Variants in TGFBRAP1 observed in about 807,000 individuals in gnomAD.
TGFBRAP1 encodes transforming growth factor beta receptor associated protein 1.
In TGFBRAP1, 20 loss-of-function variants were observed where a neutral mutation model predicts 83.2. That is an observed-to-expected ratio of 0.24 (90% confidence interval 0.17 to 0.35). The LOEUF (loss-of-function observed/expected upper bound fraction) is 0.35. Ranked by LOEUF, TGFBRAP1 falls within the 10% of genes least tolerant of loss-of-function variation. The pLI is 1.00. For synonymous variants in TGFBRAP1, 415 were observed against 459.8 expected (o/e 0.90, Z 1.25); for missense variants, 950 against 1,099.4 (o/e 0.86, Z 1.92).
rs1573167948 is a variant in TGFBRAP1, at chr2:105,278,072, G to A, written c.1464-401C>T. On this transcript the variant is annotated intron_variant, in intron 6 of 11. Transcript: ENST00000393359. Reference sequence around the variant, plus strand: ...AGACCCTGTCTCAAAAAATATATGTGTGTGTGTGTGTGTGTGTGTGTGTGT... The same window carrying A: ...AGACCCTGTCTCAAAAAATATATGTATGTGTGTGTGTGTGTGTGTGTGTGT... Among the ~76,000 whole-genome samples the A allele has an allele frequency of 2.1e-4, 4 of 18,676 alleles. No homozygotes were observed. In the South Asian group the frequency reaches 4.4e-3, roughly 21 times the overall value. 12.3% of individuals were successfully genotyped at this position (18,676 alleles called of 152,430 possible).
intron 2 of TGFBRAP1, among the ~76,000 whole-genome samples, chr2:105,300,186 C>G (rs1678236188): frequency 1.3e-5 from 2 of 152,038 alleles, no homozygotes; most frequent in South Asian, 4.1e-4. Flanking sequence ...CTATAAACCT[C>G]TGGTTTAAAG....
Position 105,320,653 on chromosome 2 carries a change from C to A in TGFBRAP1, c.-18+8972G>T, listed in dbSNP as rs561450739. Among the ~76,000 whole-genome samples the A allele has an allele frequency of 2.0e-5, 3 of 152,288 alleles. No individual in the cohort carries two copies. The East Asian group carries it at 5.8e-4, about 29-fold the overall frequency. The stretch of plus-strand genomic sequence containing the variant: ...TTTTAACCTCAGCCAACCTTTCCTC[C>A]TTTATTTAGTAAGAAAAATTATAGC... On this transcript the variant is annotated intron_variant, in intron 1 of 11. Coordinates refer to ENST00000393359, the MANE Select transcript of TGFBRAP1 (RefSeq NM_004257.6).
At chr2:105,313,221 G>A (rs1678748392) in intron 1 of TGFBRAP1, among the ~76,000 whole-genome samples, 1 of 152,214 alleles carries the variant, frequency 6.6e-6, no homozygotes, top group Non-Finnish European at 1.5e-5. Context: ...TACACATGGG[G>A]TGGGCGCCAC....
chr2:105,307,987 C>G lies in TGFBRAP1; in HGVS notation c.315G>C (p.Leu105=). ...CCCCCGAAGGCACTGGCTCGAGGTT[C>G]AGCATGTTGACCAGGCTGATGGAGT... The part of the protein sequence containing the change: ...CDNSISLVNM[L]NLEPVPSGAR... Residue 105 remains leucine (L), a synonymous_variant, in exon 2 of 12, where the codon CTG becomes CTC. Coordinates refer to ENST00000393359, the MANE Select transcript of TGFBRAP1 (RefSeq NM_004257.6). 1 of 1,614,228 alleles carries G rather than the reference C, an allele frequency of 6.2e-7. No homozygotes were observed. Among genetic ancestry groups the G allele is most frequent in the Non-Finnish European group, 8.5e-7 (1 of 1,180,054 alleles).
intron 1 of TGFBRAP1, among the ~76,000 whole-genome samples, chr2:105,315,108 GC>G (rs1267330444): frequency 6.6e-6 from 1 of 151,466 alleles, no homozygotes; most frequent in Admixed American, 6.6e-5. Flanking sequence ...TGTATTTCTA[GC>G]CCCAAAATTA....
chr2:105,294,368 G>A (rs988935802), intron 4 of TGFBRAP1, among the ~76,000 whole-genome samples: 8 of 151,526 alleles, frequency 5.3e-5, no homozygotes, highest in Non-Finnish European at 7.4e-5. Flanking sequence ...AAGAGGGTGG[G>A]GTCAGCCATG....
downstream of TGFBRAP1, among the ~76,000 whole-genome samples, chr2:105,263,835 G>A (rs1024847496): frequency 2.0e-5 from 3 of 151,360 alleles, no homozygotes; most frequent in Middle Eastern, 3.2e-3. Context: ...GCAGTGAGCC[G>A]AGATCACACC....
chr2:105,262,591 G>A (rs1289036691), downstream of TGFBRAP1, among the ~76,000 whole-genome samples: 1 of 152,172 alleles, frequency 6.6e-6, no homozygotes, highest in African/African-American at 2.4e-5. Context: ...ACGGAAGTCT[G>A]GGTGACCTGA....
the TGFBRAP1 span, among the ~76,000 whole-genome samples, chr2:105,258,730 T>TACACACACACACAC: frequency 5.0e-4 from 70 of 140,612 alleles, no homozygotes; most frequent in East Asian, 1.9e-3. Flanking sequence ...TCCCCACCCC[T>TACACACACACACAC]ACACACACAC....
In TGFBRAP1 at chr2:105,266,386, A is replaced by G. The variant is rs1676935393; in HGVS notation, c.*997T>C. On this transcript the variant is annotated 3_prime_UTR_variant, in exon 12 of 12. Transcript: ENST00000393359. ...TGTGTGCTGACCACACTTCCCTTTG[A>G]ATTTCCCGAGTATTCAACAGGAGAT... 6.6e-6 allele frequency: 1 copy of G among 152,234 alleles called. No individual in the cohort carries two copies. Among genetic ancestry groups the G allele is most frequent in the African/African-American group, 2.4e-5 (1 of 41,458 alleles). 9.4% of individuals were successfully genotyped at this position (152,234 alleles called of 1,614,324 possible).
chr2:105,329,712 C>T lies in TGFBRAP1; in HGVS notation c.-105G>A, dbSNP rs1237474256. 1 of 147,386 alleles carries T rather than the reference C, an allele frequency of 6.8e-6. No individual in the cohort carries two copies. The highest frequency in any genetic ancestry group is 2.4e-5 in the African/African-American group (1 of 40,868). 9.1% of individuals were successfully genotyped at this position (147,386 alleles called of 1,614,324 possible). A position where few individuals can be genotyped will look rare whatever the true frequency, so the allele number is the denominator to read the frequency against. ...CCCGCGGCTCCTGGGCTGGCCCGAC[C>T]CCGCAGCCGCCGCTTCCCGTCACGT... On this transcript the variant is annotated 5_prime_UTR_variant, in exon 1 of 12. Transcript: ENST00000393359.
At chr2:105,297,821 C>T (rs1232711356) in intron 3 of TGFBRAP1, among the ~76,000 whole-genome samples, 2 of 152,158 alleles carry the variant, frequency 1.3e-5, no homozygotes, top group African/African-American at 2.4e-5. Context: ...ATATCTTCCT[C>T]GTACTTTCAA....
rs571194417 is a variant in TGFBRAP1, at chr2:105,300,597, T to G, written c.689-1892A>C. 2.6e-4 allele frequency among the ~76,000 whole-genome samples: 39 copies of G among 152,118 alleles called. No homozygotes were observed. The South Asian group carries it at 6.0e-3, about 24-fold the overall frequency. ...GATTACAGACATGCACCACCATGCC[T>G]GGCTAATTTTTGTATTGTTAGTAGA... is the stretch of plus-strand genomic sequence containing the variant. On this transcript the variant is annotated intron_variant, in intron 2 of 11. Coordinates refer to ENST00000393359, the MANE Select transcript of TGFBRAP1 (RefSeq NM_004257.6).
chr2:105,257,723 T>G, the TGFBRAP1 span, among the ~76,000 whole-genome samples: 5 of 152,236 alleles, frequency 3.3e-5, no homozygotes, highest in Admixed American at 2.6e-4. Flanking sequence ...TTTCATATAT[T>G]CATATCAACA....
intron 4 of TGFBRAP1, among the ~76,000 whole-genome samples, chr2:105,287,536 C>T (rs1311487843): frequency 6.6e-6 from 1 of 152,078 alleles, no homozygotes; most frequent in African/African-American, 2.4e-5. Context: ...CTCTGCTTGT[C>T]ATTAGCTGTG....
chr2:105,329,663 T>C lies in TGFBRAP1; in HGVS notation c.-56A>G, dbSNP rs1190786949. 2 of 145,526 alleles carry C rather than the reference T, an allele frequency of 1.4e-5. No individual in the cohort carries two copies. The highest frequency in any genetic ancestry group is 3.1e-5 in the Non-Finnish European group (2 of 65,380). 9.0% of individuals were successfully genotyped at this position (145,526 alleles called of 1,614,324 possible). ...CGCCGTCCCGCGCCGCCCCGCGGCC[T>C]GGGGCCCCGCCGCCCCGCTCCGGCC... On this transcript the variant is annotated 5_prime_UTR_variant, in exon 1 of 12. Transcript: ENST00000393359.
intron 11 of TGFBRAP1, among the ~76,000 whole-genome samples, chr2:105,268,799 G>A (rs1035896507): frequency 2.6e-5 from 4 of 152,218 alleles, no homozygotes; most frequent in African/African-American, 7.2e-5. Flanking sequence ...AAGAATGTGG[G>A]GTTCTCAACT....
chr2:105,287,417 C>T (rs778565625), intron 4 of TGFBRAP1, among the ~76,000 whole-genome samples: 51 of 151,942 alleles, frequency 3.4e-4, no homozygotes, highest in Non-Finnish European at 4.9e-4. Context: ...AGATTTTTTT[C>T]CTTTACTGAA....
chr2:105,321,238 C>T (rs1679054371), intron 1 of TGFBRAP1, among the ~76,000 whole-genome samples: 1 of 152,010 alleles, frequency 6.6e-6, no homozygotes. Context: ...ACGGTCTCGG[C>T]TCACTGCAAC....
Sources: gnomAD v4.1 joint callset for allele counts (sites outside exome capture counted in the v4.1 genomes callset) on GRCh38, gnomAD v4.1.1 for gene constraint, MANE v1.5 for transcripts, NCBI Gene and HGNC (gene_info 2026-07-23, HGNC 2026-07-21) for gene names.